RPS6KA2: variants seen among roughly 807,000 people sequenced by gnomAD.
RPS6KA2 encodes ribosomal protein S6 kinase alpha-2.
A neutral mutation model predicts 91.8 loss-of-function variants in RPS6KA2; 42 were observed. The ratio of observed to expected loss-of-function variants is 0.46; its 90% CI spans 0.36 to 0.59. The LOEUF (loss-of-function observed/expected upper bound fraction) is 0.59, where lower values mean the gene tolerates loss of function less well. Ranked by LOEUF, RPS6KA2 falls within the 20% of genes least tolerant of loss-of-function variation. RPS6KA2 has a pLI of 0.00. For synonymous variants in RPS6KA2, 414 were observed against 393.6 expected (o/e 1.05, Z -0.61); for missense variants, 798 against 978.5 (o/e 0.82, Z 2.46).
chr6:166,599,566 A>G (rs112965676), intron 1 of RPS6KA2, among the ~76,000 whole-genome samples: 5 of 152,338 alleles, frequency 3.3e-5, no homozygotes, highest in African/African-American at 7.2e-5. Context: ...ACGAAGCTTC[A>G]TGACACGGGG....
chr6:166,598,906 T>C (rs1018405747), intron 1 of RPS6KA2, among the ~76,000 whole-genome samples: 1 of 152,330 alleles, frequency 6.6e-6, no homozygotes, highest in South Asian at 2.1e-4. Flanking sequence ...CACTCTCAAG[T>C]GGTCCTCCAG....
chr6:166,708,699 G>A (rs773128920), intron 2 of RPS6KA2, among the ~76,000 whole-genome samples: 2 of 152,186 alleles, frequency 1.3e-5, no homozygotes, highest in African/African-American at 2.4e-5. Flanking sequence ...GGCTTTACCA[G>A]TAGGCCTTTA....
chr6:166,850,092 C>T (rs1780702177), intron 2 of RPS6KA2, among the ~76,000 whole-genome samples: 1 of 152,308 alleles, frequency 6.6e-6, no homozygotes, highest in African/African-American at 2.4e-5. Context: ...GGTTCTACAT[C>T]CTGGAAAAAT....
intron 2 of RPS6KA2, among the ~76,000 whole-genome samples, chr6:166,844,173 TC>T (rs1225189601): frequency 1.3e-5 from 2 of 152,026 alleles, no homozygotes; most frequent in African/African-American, 4.8e-5. Context: ...AGAAAGAACT[TC>T]AGAGCTCAAA....
rs773404006 is a variant in RPS6KA2, at chr6:166,490,158, A to G, written c.818+513T>C. Among the ~76,000 whole-genome samples, 6 of 152,186 alleles carry G rather than the reference A, an allele frequency of 3.9e-5. No homozygotes were observed. Among genetic ancestry groups the G allele is most frequent in the Non-Finnish European group, 8.8e-5 (6 of 68,036 alleles). Reference sequence around the variant, plus strand: ...CAGAAAATGGTTTGTATCCAGTCACATGGTAAAACGATACCGAGTCCTGCC... The same window carrying G: ...CAGAAAATGGTTTGTATCCAGTCACGTGGTAAAACGATACCGAGTCCTGCC... On this transcript the variant is annotated intron_variant, in intron 9 of 20. Coordinates refer to ENST00000265678, the MANE Select transcript of RPS6KA2 (RefSeq NM_021135.6). The surrounding 1 kb of genome is among the most constrained non-coding windows in gnomAD (Gnocchi z 4.2).
chr6:166,713,878 T>C (rs1178385131), intron 2 of RPS6KA2, among the ~76,000 whole-genome samples: 2 of 152,196 alleles, frequency 1.3e-5, no homozygotes, highest in African/African-American at 2.4e-5. Context: ...GGCTTGTTAG[T>C]GCGCCCCTCA....
At chr6:166,842,783 G>C (rs1448176115) in intron 2 of RPS6KA2, among the ~76,000 whole-genome samples, 1 of 152,230 alleles carries the variant, frequency 6.6e-6, no homozygotes, top group East Asian at 1.9e-4. Flanking sequence ...ATAGGAGGCA[G>C]GACTGGCTTG....
intron 1 of RPS6KA2, among the ~76,000 whole-genome samples, chr6:166,583,014 C>T (rs537990225): frequency 6.6e-6 from 1 of 152,166 alleles, no homozygotes; most frequent in Non-Finnish European, 1.5e-5. Context: ...TTGACTTGGT[C>T]GTTGACTGCT....
chr6:166,831,521 G>A (rs929274723), intron 2 of RPS6KA2, among the ~76,000 whole-genome samples: 3 of 151,746 alleles, frequency 2.0e-5, no homozygotes, highest in South Asian at 2.1e-4. Flanking sequence ...TGCCTTGTCC[G>A]CACCTCTTCA....
intron 2 of RPS6KA2, among the ~76,000 whole-genome samples, chr6:166,697,203 G>A (rs886539751): frequency 7.9e-5 from 11 of 139,416 alleles, no homozygotes; most frequent in Non-Finnish European, 1.7e-4. Flanking sequence ...ATATTGTCTA[G>A]GGAGAAGGTA....
chr6:166,744,721 T>C (rs971803747), intron 2 of RPS6KA2, among the ~76,000 whole-genome samples: 2 of 152,144 alleles, frequency 1.3e-5, no homozygotes, highest in Non-Finnish European at 2.9e-5. Context: ...CCTGGGGGCA[T>C]GCAGGCCTGG....
intron 2 of RPS6KA2, among the ~76,000 whole-genome samples, chr6:166,759,981 C>T (rs1778123100): frequency 1.3e-5 from 2 of 152,174 alleles, no homozygotes; most frequent in Non-Finnish European, 2.9e-5. Flanking sequence ...TTCACAAATA[C>T]TTTGTTTTAA....
At position 166,508,952 on chromosome 6, in the gene RPS6KA2, A is replaced by T. The variant is rs1782365897; in HGVS notation, c.380-670T>A. ...CGCATGAGCACGGGAGGGTCTAGAGAAGCCCGTCACCATCGCTGCTGTGAC... is the reference window on the plus strand; with the variant it reads ...CGCATGAGCACGGGAGGGTCTAGAGTAGCCCGTCACCATCGCTGCTGTGAC... On this transcript the variant is annotated intron_variant, in intron 4 of 20. Coordinates refer to ENST00000265678, the MANE Select transcript of RPS6KA2 (RefSeq NM_021135.6). The surrounding 1 kb of genome is among the most constrained non-coding windows in gnomAD (Gnocchi z 4.3). 1.3e-5 allele frequency among the ~76,000 whole-genome samples: 2 copies of T among 152,162 alleles called. No individual in the cohort carries two copies. Among genetic ancestry groups the T allele is most frequent in the Admixed American group, 1.3e-4 (2 of 15,274 alleles).
chr6:166,517,545 G>A (rs980103528), intron 3 of RPS6KA2, among the ~76,000 whole-genome samples: 8 of 140,172 alleles, frequency 5.7e-5, no homozygotes, highest in African/African-American at 1.1e-4. Flanking sequence ...GCGCAATCTC[G>A]GCTCACTGCA....
At chr6:166,724,927 C>A (rs889257831) in intron 2 of RPS6KA2, among the ~76,000 whole-genome samples, 2 of 152,100 alleles carry the variant, frequency 1.3e-5, no homozygotes, top group Non-Finnish European at 2.9e-5. Flanking sequence ...GTTTTTCCAC[C>A]CATTCAATAC....
rs1583200508 is a variant in RPS6KA2, at chr6:166,491,000, C to T, written c.748-259G>A. On this transcript the variant is annotated intron_variant, in intron 8 of 20. Coordinates refer to ENST00000265678, the MANE Select transcript of RPS6KA2 (RefSeq NM_021135.6). The surrounding 1 kb of genome is among the most constrained non-coding windows in gnomAD (Gnocchi z 4.2). ...CACTCTGTGGCAGGCCAGCAGGCCC[C>T]GAGTACGACAGAGAAAAGAGGCAGA... is the stretch of plus-strand genomic sequence containing the variant. Among the ~76,000 whole-genome samples the T allele has an allele frequency of 6.6e-6, 1 of 152,166 alleles. No homozygotes were observed. Among genetic ancestry groups the T allele is most frequent in the Admixed American group, 6.5e-5 (1 of 15,274 alleles).
rs1291082823 is a variant in RPS6KA2 at position 166,533,936 on chromosome 6, A to AT, written c.217-2624dup. ...AGGTCTAGTAAAAATAAAAATAAAA[A>AT]TTAGGGCTGGGTGCGGTGGCTCACG... On this transcript the variant is annotated intron_variant, in intron 2 of 20. Coordinates refer to ENST00000265678, the MANE Select transcript of RPS6KA2 (RefSeq NM_021135.6). This position sits in a 1 kb window ranked among gnomAD's most constrained non-coding sequence, Gnocchi z 4.0. Among the ~76,000 whole-genome samples the AT allele has an allele frequency of 1.3e-5, 2 of 152,146 alleles. No homozygotes were observed. Among genetic ancestry groups the AT allele is most frequent in the African/African-American group, 4.8e-5 (2 of 41,440 alleles).
rs1460429233 is a variant in RPS6KA2, at chr6:166,409,569, A to G, written c.*3193T>C. 1.3e-5 allele frequency: 2 copies of G among 152,448 alleles called. No homozygotes were observed. Among genetic ancestry groups the G allele is most frequent in the Non-Finnish European group, 2.9e-5 (2 of 68,046 alleles). 9.4% of individuals were successfully genotyped at this position (152,448 alleles called of 1,614,324 possible). On this transcript the variant is annotated 3_prime_UTR_variant, in exon 21 of 21. Coordinates refer to ENST00000265678, the MANE Select transcript of RPS6KA2 (RefSeq NM_021135.6). ...TGCTGAGTCAGGAGCGAGGCAGAGAAGCGTGCTCAGTAGAACGACACAGAT... is the reference window on the plus strand; with the variant it reads ...TGCTGAGTCAGGAGCGAGGCAGAGAGGCGTGCTCAGTAGAACGACACAGAT...
At chr6:166,834,692 G>A (rs1434250027) in intron 2 of RPS6KA2, among the ~76,000 whole-genome samples, 1 of 152,182 alleles carries the variant, frequency 6.6e-6, no homozygotes, top group Non-Finnish European at 1.5e-5. Flanking sequence ...CTAGTTGTAA[G>A]AGTTCCTGAT....
Sources: gnomAD v4.1 joint callset for allele counts (sites outside exome capture counted in the v4.1 genomes callset) on GRCh38, gnomAD v4.1.1 for gene constraint, Gnocchi (gnomAD v3.1) non-coding constraint, MANE v1.5 for transcripts, NCBI Gene and HGNC (gene_info 2026-07-23, HGNC 2026-07-21) for gene names.